Variants in ASCC3 observed in about 807,000 individuals in gnomAD.
ASCC3 encodes activating signal cointegrator 1 complex subunit 3.
In ASCC3, 158 loss-of-function variants were observed where a neutral mutation model predicts 256.3. That is an observed-to-expected ratio of 0.62 (90% confidence interval 0.54 to 0.70). The LOEUF (loss-of-function observed/expected upper bound fraction) is 0.70, where lower values mean the gene tolerates loss of function less well. ASCC3 is among the 30% of genes least tolerant of loss of function. The pLI, the probability that ASCC3 is intolerant of heterozygous loss-of-function variation, is 0.00. For synonymous variants in ASCC3, 948 were observed against 883.4 expected (o/e 1.07, Z -1.30); for missense variants, 2,259 against 2,626.0 (o/e 0.86, Z 3.05).
intron 37 of ASCC3, among the ~76,000 whole-genome samples, chr6:100,536,882 A>G (rs1436946637): frequency 6.6e-6 from 1 of 152,218 alleles, no homozygotes; most frequent in Non-Finnish European, 1.5e-5. Context: ...GCAAGGTAGT[A>G]TTCAAGAAAC....
chr6:100,575,786 A>G (rs1180958985), intron 36 of ASCC3, among the ~76,000 whole-genome samples: 1 of 146,838 alleles, frequency 6.8e-6, no homozygotes, highest in Non-Finnish European at 1.5e-5. Context: ...AAAATTGTCA[A>G]TATTATAGCA....
At chr6:100,764,689 T>G (rs887343637) in intron 10 of ASCC3, among the ~76,000 whole-genome samples, 1 of 152,174 alleles carries the variant, frequency 6.6e-6, no homozygotes, top group East Asian at 1.9e-4. Flanking sequence ...TATTTATTTA[T>G]TATTTATTGA....
At chr6:100,850,730 C>T (rs190513694) in intron 3 of ASCC3, among the ~76,000 whole-genome samples, 1 of 152,238 alleles carries the variant, frequency 6.6e-6, no homozygotes, top group South Asian at 2.1e-4. Context: ...ATCTGACATA[C>T]AATTATTCTT....
Position 100,627,851 on chromosome 6 carries a change from A to T in ASCC3, c.4512T>A (p.Asn1504Lys). 2 of 1,613,716 alleles carry T rather than the reference A, an allele frequency of 1.2e-6. No individual in the cohort carries two copies. The highest frequency in any genetic ancestry group is 1.7e-6 in the Non-Finnish European group (2 of 1,179,784). ...ANARDLADWLNIKQMGLFNFR... is the reference protein window; with the variant it reads ...ANARDLADWLKIKQMGLFNFR... ...TCAATCTTCTACATACCTGCTTAAT[A>T]TTGAGCCAATCAGCAAGGTCTCTGG... The change falls in exon 28 of 42, where the codon AAT becomes AAA. Residue 1504 changes from asparagine to lysine, a missense_variant. Coordinates refer to ENST00000369162, the MANE Select transcript of ASCC3 (RefSeq NM_006828.4).
intron 37 of ASCC3, among the ~76,000 whole-genome samples, chr6:100,527,851 T>G (rs1774662253): frequency 6.6e-6 from 1 of 152,050 alleles, no homozygotes; most frequent in Non-Finnish European, 1.5e-5. Context: ...TTTTGTTGTT[T>G]TTTTTAAGAT....
At chr6:100,858,730 T>A (rs1773079185) in intron 3 of ASCC3, 1 of 1,069,230 alleles carries the variant, frequency 9.4e-7, no homozygotes, top group Non-Finnish European at 1.1e-6. Flanking sequence ...CTATATATAC[T>A]GCAGTATGCT....
chr6:100,669,279 T>C (rs976427961), intron 14 of ASCC3, among the ~76,000 whole-genome samples: 17 of 149,358 alleles, frequency 1.1e-4, no homozygotes, highest in Non-Finnish European at 2.1e-4. Flanking sequence ...TAATCTTTAC[T>C]ATAAAAATAT....
intron 36 of ASCC3, among the ~76,000 whole-genome samples, chr6:100,581,804 C>T (rs1771290444): frequency 6.6e-6 from 1 of 150,814 alleles, no homozygotes; most frequent in Non-Finnish European, 1.5e-5. Context: ...CTACATATGG[C>T]TAGCCAGTTT....
intron 8 of ASCC3, among the ~76,000 whole-genome samples, chr6:100,787,374 T>G (rs560656096): frequency 1.1e-4 from 17 of 152,104 alleles, no homozygotes; most frequent in Admixed American, 3.9e-4. Context: ...AATTACAAAT[T>G]AATCATGAAA....
At chr6:100,863,540 T>C (rs992510782) in intron 3 of ASCC3, among the ~76,000 whole-genome samples, 1 of 152,190 alleles carries the variant, frequency 6.6e-6, no homozygotes, top group Non-Finnish European at 1.5e-5. Context: ...CTAGATAGTA[T>C]TATAATTACT....
At position 100,631,232 on chromosome 6, in the gene ASCC3, C is replaced by A; in HGVS notation, c.4123-19G>T. 1 of 1,555,106 alleles carries A rather than the reference C, an allele frequency of 6.4e-7. No homozygotes were observed. The highest frequency in any genetic ancestry group is 8.9e-7 in the Non-Finnish European group (1 of 1,127,600). On this transcript the variant is annotated intron_variant, in intron 25 of 41. Transcript: ENST00000369162. Reference sequence around the variant, plus strand: ...ATACCGCCTAAAAAGGGGAGAATAGCCAAAAATACTCTTATGAAAATAGTG... The same window carrying A: ...ATACCGCCTAAAAAGGGGAGAATAGACAAAAATACTCTTATGAAAATAGTG...
chr6:100,800,746 T>C (rs544645091), intron 5 of ASCC3, among the ~76,000 whole-genome samples: 14 of 152,036 alleles, frequency 9.2e-5, no homozygotes, highest in African/African-American at 3.4e-4. Flanking sequence ...AACAGTTCAA[T>C]GTCACTGACA....
intron 10 of ASCC3, among the ~76,000 whole-genome samples, chr6:100,741,910 T>C (rs961127536): frequency 6.6e-6 from 1 of 152,222 alleles, no homozygotes; most frequent in Non-Finnish European, 1.5e-5. Flanking sequence ...ATGTCCTTGC[T>C]GGAGAGGTAT....
chr6:100,629,921 A>G (rs1032926081), intron 26 of ASCC3, among the ~76,000 whole-genome samples: 3 of 151,744 alleles, frequency 2.0e-5, no homozygotes, highest in Non-Finnish European at 4.4e-5. Context: ...TTTTTGAGAC[A>G]GAGTCTCATT....
intron 26 of ASCC3, 134 bp from the exon 27 acceptor site, chr6:100,629,315 T>C (rs938157630): frequency 3.4e-6 from 2 of 590,850 alleles, no homozygotes; most frequent in Non-Finnish European, 5.6e-6. Flanking sequence ...ATTTTTGAAA[T>C]TTTCCAAGTT....
intron 4 of ASCC3, among the ~76,000 whole-genome samples, chr6:100,808,488 G>A (rs1053396738): frequency 6.6e-6 from 1 of 151,894 alleles, no homozygotes; most frequent in Non-Finnish European, 1.5e-5. Context: ...GTATCTATGT[G>A]AGCCTGGATT....
At chr6:100,620,572 CA>C (rs1348363129) in intron 30 of ASCC3, among the ~76,000 whole-genome samples, 1 of 152,088 alleles carries the variant, frequency 6.6e-6, no homozygotes, top group East Asian at 1.9e-4. Context: ...TCCATGCCCC[CA>C]GCCCAAATAT....
At position 100,519,538 on chromosome 6, in the gene ASCC3, C is replaced by CA. The variant is rs201128441; in HGVS notation, c.5776-1397dup. 9.8e-3 allele frequency among the ~76,000 whole-genome samples: 1,478 copies of CA among 151,536 alleles called. 25 individuals are homozygous for CA. Among genetic ancestry groups the CA allele is most frequent in the African/African-American group, 0.034 (1,420 of 41,342 alleles). ...GGTCATGATGAATGCTACTCATAGACAAAAAAGAGTAGTTCACAAGTCACA... is the reference window on the plus strand; with the variant it reads ...GGTCATGATGAATGCTACTCATAGACAAAAAAAGAGTAGTTCACAAGTCACA... On this transcript the variant is annotated intron_variant, in intron 37 of 41. Transcript: ENST00000369162.
At chr6:100,724,062 G>A (rs937893990) in intron 11 of ASCC3, among the ~76,000 whole-genome samples, 3 of 147,650 alleles carry the variant, frequency 2.0e-5, no homozygotes, top group Non-Finnish European at 3.0e-5. Flanking sequence ...AAGTGACGGA[G>A]TCTTAGAGAA....
Sources: gnomAD v4.1 joint callset for allele counts (sites outside exome capture counted in the v4.1 genomes callset) on GRCh38, gnomAD v4.1.1 for gene constraint, MANE v1.5 for transcripts, NCBI Gene and HGNC (gene_info 2026-07-23, HGNC 2026-07-21) for gene names.